The following ELOC variants were observed in gnomAD, a reference collection of about 807,000 sequenced individuals.
The protein encoded by ELOC is elongin-C.
For synonymous variants in ELOC, 40 were observed against 51.3 expected, an observed-to-expected ratio of 0.78 and a Z score of 0.94; for missense variants, 38 against 139.0, an observed-to-expected ratio of 0.27 and a Z score of 3.65.
intron 1 of ELOC, among the ~76,000 whole-genome samples, chr8:73,970,233 GTGAGACTC>G (rs949989797): frequency 1.3e-5 from 2 of 152,158 alleles, no homozygotes; most frequent in Non-Finnish European, 2.9e-5. Flanking sequence ...GCAGAACAGA[GTGAGACTC>G]TGACTCAAAA....
chr8:73,967,457 A>T (rs924682574), intron 1 of ELOC, among the ~76,000 whole-genome samples: 2 of 148,324 alleles, frequency 1.3e-5, no homozygotes, highest in African/African-American at 4.9e-5. Flanking sequence ...CATTTTATAT[A>T]ATTTTCTTTT....
chr8:73,960,978 A>G (rs1814549562), intron 1 of ELOC, among the ~76,000 whole-genome samples: 1 of 152,098 alleles, frequency 6.6e-6, no homozygotes, highest in South Asian at 2.1e-4. Context: ...AAGAAAAAAG[A>G]GAAGTCTTGC....
At chr8:73,960,141 C>A (rs573702687) in intron 1 of ELOC, among the ~76,000 whole-genome samples, 1 of 152,042 alleles carries the variant, frequency 6.6e-6, no homozygotes, top group South Asian at 2.1e-4. Flanking sequence ...AAGTAACAGA[C>A]GTGTAAAAAT....
intron 1 of ELOC, among the ~76,000 whole-genome samples, chr8:73,966,687 T>C (rs1586620350): frequency 6.6e-6 from 1 of 151,658 alleles, no homozygotes; most frequent in East Asian, 1.9e-4. Flanking sequence ...TTGCCCAAGC[T>C]GGTCTCCAAC....
chr8:73,952,444 T>C (rs1345422870), intron 3 of ELOC, among the ~76,000 whole-genome samples: 1 of 128,872 alleles, frequency 7.8e-6, no homozygotes, highest in Non-Finnish European at 1.7e-5. Flanking sequence ...AAAAAATAAA[T>C]AAATAAAAAT....
chr8:73,954,657 A>G (rs1260324510), intron 3 of ELOC, among the ~76,000 whole-genome samples: 2 of 151,354 alleles, frequency 1.3e-5, no homozygotes, highest in Non-Finnish European at 1.5e-5. Context: ...GTCTCAAAAA[A>G]AAAAAAAAAA....
In ELOC at chr8:73,946,648, C is replaced by T. The variant is rs146901695; in HGVS notation, c.321G>A (p.Ala107=). 2.6e-4 allele frequency: 409 copies of T among 1,591,744 alleles called. No individual in the cohort carries two copies. The African/African-American group carries it at 3.0e-3, about 12-fold the overall frequency. Residue 107 remains alanine, a synonymous_variant, in exon 4 of 4, where the codon GCG becomes GCA. Coordinates refer to ENST00000520242, the MANE Select transcript of ELOC (RefSeq NM_005648.4). ...PEIALELLMA[A]NFLDC is the part of the protein sequence containing the mutation. Reference sequence around the variant, plus strand: ...ATTTTATTTAACAATCTAAGAAGTTCGCAGCCATCAGCAGTTCCAGTGCAA... The same window carrying T: ...ATTTTATTTAACAATCTAAGAAGTTTGCAGCCATCAGCAGTTCCAGTGCAA...
At chr8:73,958,330 C>T (rs567475639) in intron 2 of ELOC, among the ~76,000 whole-genome samples, 17 of 152,158 alleles carry the variant, frequency 1.1e-4, no homozygotes, top group African/African-American at 3.4e-4. Context: ...TATGTTATGT[C>T]ATCATCTTAT....
chr8:73,959,477 A>C (rs1814444268), intron 2 of ELOC, among the ~76,000 whole-genome samples: 1 of 152,186 alleles, frequency 6.6e-6, no homozygotes, highest in Non-Finnish European at 1.5e-5. Context: ...ATACAATCAC[A>C]CATTAGCCTA....
chr8:73,947,503 AATC>A (rs1563669001), intron 3 of ELOC, among the ~76,000 whole-genome samples: 1 of 152,158 alleles, frequency 6.6e-6, no homozygotes, highest in African/African-American at 2.4e-5. Context: ...CTAGCAAACT[AATC>A]ATCATTAAAA....
chr8:73,949,899 T>C (rs1258104254), intron 3 of ELOC, among the ~76,000 whole-genome samples: 1 of 152,118 alleles, frequency 6.6e-6, no homozygotes, highest in African/African-American at 2.4e-5. Flanking sequence ...TCTGTTGGCA[T>C]TTGTGATTTT....
At chr8:73,967,855 A>G (rs1039782995) in intron 1 of ELOC, among the ~76,000 whole-genome samples, 1 of 152,242 alleles carries the variant, frequency 6.6e-6, no homozygotes, top group African/African-American at 2.4e-5. Flanking sequence ...GCTTGCGGGT[A>G]GTATAAAAGC....
chr8:73,962,006 G>C (rs1814639191), intron 1 of ELOC, among the ~76,000 whole-genome samples: 6 of 151,678 alleles, frequency 4.0e-5, no homozygotes, highest in Admixed American at 3.9e-4. Context: ...AACGATTCTT[G>C]TGCCTCAGCC....
At chr8:73,970,873 A>AC (rs1489264242) in intron 1 of ELOC, among the ~76,000 whole-genome samples, 6 of 149,958 alleles carry the variant, frequency 4.0e-5, no homozygotes, top group Non-Finnish European at 5.9e-5. Flanking sequence ...ACAAAACAAA[A>AC]AAAAAACAAA....
At chr8:73,950,988 G>A (rs1313914527) in intron 3 of ELOC, among the ~76,000 whole-genome samples, 3 of 152,190 alleles carry the variant, frequency 2.0e-5, no homozygotes, top group African/African-American at 7.2e-5. Context: ...TTGGCAAAAT[G>A]GGCTGGGCAT....
intron 3 of ELOC, among the ~76,000 whole-genome samples, chr8:73,953,875 C>T (rs767219177): frequency 3.9e-5 from 6 of 152,112 alleles, no homozygotes; most frequent in Non-Finnish European, 8.8e-5. Flanking sequence ...GGTATTCAAA[C>T]AATTATTTGT....
intron 2 of ELOC, among the ~76,000 whole-genome samples, chr8:73,959,169 G>C (rs1367064195): frequency 1.3e-5 from 2 of 152,176 alleles, no homozygotes; most frequent in Non-Finnish European, 2.9e-5. Flanking sequence ...GAGTGAATGT[G>C]AAGGCCTAAT....
rs1398919084 is a variant in ELOC at position 73,970,858 on chromosome 8, ACAAAACAAAAC to A, written c.-51+1208_-51+1218del. On this transcript the variant is annotated intron_variant, in intron 1 of 3. Transcript: ENST00000520242. ...GGTGAAACCCCATCTCTACTAAAAA[ACAAAACAAAAC>A]AAAAAAAAAACAAAATTAGCCGGCA... Among the ~76,000 whole-genome samples, 303 of 137,222 alleles carry A rather than the reference ACAAAACAAAAC, an allele frequency of 2.2e-3. 2 individuals are homozygous for A. The highest frequency in any genetic ancestry group is 7.1e-3 in the African/African-American group (241 of 33,832). The allele number at this position is 137,222 out of a possible 152,430, so 90.0% of individuals were successfully genotyped here.
intron 1 of ELOC, chr8:73,970,530 C>T (rs1815285304): frequency 6.6e-6 from 1 of 151,870 alleles, no homozygotes; most frequent in African/African-American, 2.4e-5. Flanking sequence ...AAACAGGGAC[C>T]CCAAATCATC....
Sources: allele counts gnomAD v4.1 joint callset (sites outside exome capture counted in the v4.1 genomes callset), GRCh38; gene constraint gnomAD v4.1.1; transcripts MANE v1.5; gene names NCBI Gene and HGNC (gene_info 2026-07-23, HGNC 2026-07-21).